The following NSD1 variants were observed in gnomAD, a reference collection of about 807,000 sequenced individuals.
The protein encoded by NSD1 is nuclear receptor binding SET domain protein 1.
NSD1 carries 26 observed loss-of-function variants against 242.7 expected under a neutral mutation model. That is an observed-to-expected ratio of 0.11 (90% confidence interval 0.08 to 0.15). NSD1 has a LOEUF of 0.15. Ranked by LOEUF, NSD1 falls within the 10% of genes least tolerant of loss-of-function variation. The probability of loss-of-function intolerance (pLI) is 1.00; values close to 1 mark genes in which losing one functional copy is unlikely to be tolerated. For synonymous variants in NSD1, 1,106 were observed against 1,178.1 expected (o/e 0.94, Z 1.25); for missense variants, 2,495 against 3,272.8 (o/e 0.76, Z 5.80).
At chr5:177,209,587 C>A (rs763739860) in intron 4 of NSD1, 49 bp from the exon 5 acceptor site, 2 of 1,387,780 alleles carry the variant, frequency 1.4e-6, no homozygotes, top group African/African-American at 1.4e-5. Context: ...CCTTTTCCCC[C>A]ACCCATTTCT....
intron 3 of NSD1, among the ~76,000 whole-genome samples, chr5:177,193,974 A>G (rs1003741806): frequency 1.3e-5 from 2 of 151,898 alleles, no homozygotes; most frequent in Admixed American, 6.6e-5. Flanking sequence ...ACGGGGTTTC[A>G]CCATGTTGGC....
At chr5:177,215,062 A>C (rs1361548052) in intron 5 of NSD1, among the ~76,000 whole-genome samples, 1 of 152,012 alleles carries the variant, frequency 6.6e-6, no homozygotes, top group Non-Finnish European at 1.5e-5. Flanking sequence ...ATACTAAAGC[A>C]TCTTTTCTTT....
At chr5:177,172,173 T>C (rs1029872578) in intron 2 of NSD1, among the ~76,000 whole-genome samples, 1 of 152,218 alleles carries the variant, frequency 6.6e-6, no homozygotes, top group African/African-American at 2.4e-5. Context: ...TCCTCTGATG[T>C]CACTATAAAC....
intron 5 of NSD1, among the ~76,000 whole-genome samples, chr5:177,215,449 T>G (rs903619746): frequency 2.0e-5 from 3 of 152,194 alleles, no homozygotes; most frequent in African/African-American, 7.2e-5. Context: ...GTGCTGGGAT[T>G]ACAGGCATGA....
chr5:177,153,053 T>C (rs1015333088), intron 2 of NSD1, among the ~76,000 whole-genome samples: 1 of 152,240 alleles, frequency 6.6e-6, no homozygotes, highest in African/African-American at 2.4e-5. Flanking sequence ...CGTAAAGTGC[T>C]TTTCTAACAG....
chr5:177,168,917 C>T (rs1024794168), intron 2 of NSD1, among the ~76,000 whole-genome samples: 40 of 152,266 alleles, frequency 2.6e-4, no homozygotes, highest in African/African-American at 9.6e-4. Flanking sequence ...GAGGTCAGGT[C>T]AATATGGAGG....
chr5:177,165,997 C>T (rs1286308922), intron 2 of NSD1, among the ~76,000 whole-genome samples: 4 of 150,858 alleles, frequency 2.7e-5, no homozygotes, highest in Non-Finnish European at 4.4e-5. Context: ...GCAACCTCCG[C>T]CTCCCGGGTT....
intron 3 of NSD1, among the ~76,000 whole-genome samples, chr5:177,201,281 C>T (rs549423941): frequency 5.6e-4 from 85 of 152,210 alleles, no homozygotes; most frequent in African/African-American, 1.9e-3. Flanking sequence ...GGGATCTTGG[C>T]TCACTGCAAC....
intron 2 of NSD1, among the ~76,000 whole-genome samples, chr5:177,185,814 TATATATA>T (rs1761104329): frequency 1.2e-5 from 1 of 83,274 alleles, no homozygotes; most frequent in Non-Finnish European, 2.1e-5. Context: ...TATAAATTTA[TATATATA>T]ATATATAAGT....
intron 2 of NSD1, among the ~76,000 whole-genome samples, chr5:177,143,180 A>G (rs1360864158): frequency 1.3e-5 from 2 of 152,152 alleles, no homozygotes; most frequent in Non-Finnish European, 2.9e-5. Flanking sequence ...CCAAATTACT[A>G]AAACTTTACA....
chr5:177,267,961 T>G (rs1287431187), intron 15 of NSD1, among the ~76,000 whole-genome samples: 2 of 151,798 alleles, frequency 1.3e-5, no homozygotes, highest in Non-Finnish European at 1.5e-5. Context: ...AAGTTTTTTT[T>G]TTTTTTTTTA....
intron 2 of NSD1, among the ~76,000 whole-genome samples, chr5:177,183,195 T>C (rs895967839): frequency 6.6e-6 from 1 of 152,180 alleles, no homozygotes; most frequent in South Asian, 2.1e-4. Flanking sequence ...ATTTATACAT[T>C]GAATACAACA....
At chr5:177,266,653 A>T in intron 14 of NSD1, 1 of 394,258 alleles carries the variant, frequency 2.5e-6, no homozygotes, top group Non-Finnish European at 4.4e-6. Flanking sequence ...GTAGGATTTT[A>T]AGAGGTGAAA....
At position 177,260,184 on chromosome 5, in the gene NSD1, T is replaced by C; in HGVS notation, c.5146+16T>C. The C allele has an allele frequency of 6.2e-7, 1 of 1,611,926 alleles. No individual in the cohort carries two copies. On this transcript the variant is annotated intron_variant, in intron 14 of 22. Coordinates refer to ENST00000439151, the MANE Select transcript of NSD1 (RefSeq NM_022455.5). ...TGCTCAGAAGGTAAGAAATCATTTCTTCCTCTATTTGTAGTCTAAAAAGGG... is the reference window on the plus strand; with the variant it reads ...TGCTCAGAAGGTAAGAAATCATTTCCTCCTCTATTTGTAGTCTAAAAAGGG...
chr5:177,294,156 C>T lies in NSD1; in HGVS notation c.6788C>T (p.Ser2263Leu), dbSNP rs373571733. Residue 2263 changes from serine to leucine, a missense_variant, in exon 23 of 23, where the codon TCG becomes TTG. Physicochemically the swap from Ser to Leu is moderately radical, Grantham distance 145. Coordinates refer to ENST00000439151, the MANE Select transcript of NSD1 (RefSeq NM_022455.5). ...KPPADTNQML[S>L]LSKKALAGTC... ...CCTGCTGACACCAACCAGATGCTGTCGCTCTCCAAAAAAGCTCTGGCAGGG... is the reference window on the plus strand; with the variant it reads ...CCTGCTGACACCAACCAGATGCTGTTGCTCTCCAAAAAAGCTCTGGCAGGG... The T allele has an allele frequency of 1.1e-5, 17 of 1,614,042 alleles. No individual in the cohort carries two copies. Among genetic ancestry groups the T allele is most frequent in the African/African-American group, 4.0e-5 (3 of 74,918 alleles).
At chr5:177,230,551 C>T (rs370877038) in intron 5 of NSD1, among the ~76,000 whole-genome samples, 2 of 151,856 alleles carry the variant, frequency 1.3e-5, no homozygotes, top group Non-Finnish European at 2.9e-5. Flanking sequence ...CGTGGCCAGG[C>T]GTGGTGGCTC....
At position 177,252,796 on chromosome 5, in the gene NSD1, C is replaced by CTTTTT. The variant is rs149731842; in HGVS notation, c.4765+943_4765+944insTTTTT. 1.6e-3 allele frequency among the ~76,000 whole-genome samples: 218 copies of CTTTTT among 132,512 alleles called. 7 individuals carry two copies. The highest frequency in any genetic ancestry group is 3.4e-3 in the Admixed American group (44 of 13,066). 86.9% of individuals were successfully genotyped at this position (132,512 alleles called of 152,430 possible). On this transcript the variant is annotated intron_variant, in intron 12 of 22. Coordinates refer to ENST00000439151, the MANE Select transcript of NSD1 (RefSeq NM_022455.5). ...AAAGTGTTCTCTCGCTCTCTCTCTC[C>CTTTTT]CTTTTTTTTTTTTTTTTCTTAGCAT...
intron 2 of NSD1, among the ~76,000 whole-genome samples, chr5:177,151,942 G>A (rs1757744183): frequency 6.6e-6 from 1 of 151,364 alleles, no homozygotes; most frequent in Non-Finnish European, 1.5e-5. Flanking sequence ...CTCACTGAAA[G>A]CTCCGCCTCC....
intron 9 of NSD1, among the ~76,000 whole-genome samples, chr5:177,244,515 T>C (rs1367049104): frequency 6.6e-6 from 1 of 152,208 alleles, no homozygotes; most frequent in Non-Finnish European, 1.5e-5. Context: ...GTTAGGTTAT[T>C]ATCTATAGTA....
Sources: gnomAD v4.1 joint callset for allele counts (sites outside exome capture counted in the v4.1 genomes callset) on GRCh38, gnomAD v4.1.1 for gene constraint, MANE v1.5 for transcripts, NCBI Gene and HGNC (gene_info 2026-07-23, HGNC 2026-07-21) for gene names.